Variants in AGBL1 observed in about 807,000 individuals in gnomAD.
The protein encoded by AGBL1 is cytosolic carboxypeptidase 4.
AGBL1 carries 130 observed loss-of-function variants against 118.9 expected under a neutral mutation model. The ratio of observed to expected loss-of-function variants is 1.09; its 90% CI spans 0.95 to 1.26. The LOEUF is 1.26. AGBL1 is among the 50% of genes most tolerant of loss of function. The pLI, the probability that AGBL1 is intolerant of heterozygous loss-of-function variation, is 0.00. For missense variants in AGBL1, 1,584 were observed against 1,298.1 expected, an observed-to-expected ratio of 1.22 and a Z score of -3.38; for synonymous variants, 555 against 478.9, an observed-to-expected ratio of 1.16 and a Z score of -2.08.
At chr15:86,372,519 C>A (rs1201859918) in intron 17 of AGBL1, among the ~76,000 whole-genome samples, 2 of 152,210 alleles carry the variant, frequency 1.3e-5, no homozygotes, top group East Asian at 1.9e-4. Flanking sequence ...TTTTTACCTG[C>A]CACTTTTTCT....
intron 21 of AGBL1, among the ~76,000 whole-genome samples, chr15:86,598,124 C>T (rs746847561): frequency 1.3e-5 from 2 of 152,018 alleles, no homozygotes; most frequent in Non-Finnish European, 2.9e-5. Context: ...TTAACCCATT[C>T]AGAGAAGGCC....
intron 22 of AGBL1, among the ~76,000 whole-genome samples, chr15:86,724,789 T>A (rs902349312): frequency 7.9e-5 from 12 of 152,090 alleles, no homozygotes; most frequent in Admixed American, 3.3e-4. Context: ...CCCGGTTGTT[T>A]AAAAGTGTGT....
intron 20 of AGBL1, among the ~76,000 whole-genome samples, chr15:86,548,567 C>G (rs1041883255): frequency 5.9e-5 from 9 of 151,880 alleles, no homozygotes; most frequent in African/African-American, 2.2e-4. Context: ...GGGTCTGTAA[C>G]CTTCTTGACT....
intron 23 of AGBL1, among the ~76,000 whole-genome samples, chr15:86,936,940 C>G (rs2080683620): frequency 6.6e-6 from 1 of 152,084 alleles, no homozygotes; most frequent in Non-Finnish European, 1.5e-5. Context: ...CCTTAAGGAA[C>G]TTATATAAAT....
chr15:86,571,691 G>T lies in AGBL1; in HGVS notation c.2994+17154G>T, dbSNP rs143157737. 3.1e-3 allele frequency among the ~76,000 whole-genome samples: 475 copies of T among 152,246 alleles called. 3 individuals are homozygous for T. The highest frequency in any genetic ancestry group is 0.011 in the African/African-American group (463 of 41,548). On this transcript the variant is annotated intron_variant, in intron 21 of 22. Coordinates refer to ENST00000614907, the MANE Select transcript of AGBL1 (RefSeq NM_001386094.1). ...CTCTCTGTCCTCTGCTCAAGTCAAG[G>T]GATGGGGTGTTTATTGGCCTCAGAG...
intron 24 of AGBL1, among the ~76,000 whole-genome samples, chr15:86,990,101 A>G (rs1596714164): frequency 6.6e-6 from 1 of 152,192 alleles, no homozygotes; most frequent in East Asian, 1.9e-4. Context: ...TTTTAATAGG[A>G]TCCTCTGGCT....
At chr15:86,932,667 A>G (rs113583097) in intron 23 of AGBL1, among the ~76,000 whole-genome samples, 5,947 of 152,218 alleles carry the variant, frequency 0.039, 156 homozygotes, top group Middle Eastern at 0.072. Context: ...TTTTTTTCCA[A>G]AATCGCTTTG....
chr15:86,085,811 G>T (rs893049332), intron 1 of AGBL1, among the ~76,000 whole-genome samples: 2 of 152,116 alleles, frequency 1.3e-5, no homozygotes, highest in African/African-American at 2.4e-5. Context: ...GTTATTTTAG[G>T]GGCAGCATTC....
intron 1 of AGBL1, among the ~76,000 whole-genome samples, chr15:86,090,234 T>C (rs1467937053): frequency 6.6e-6 from 1 of 152,196 alleles, no homozygotes; most frequent in South Asian, 2.1e-4. Context: ...TTCACCAGTC[T>C]ACAGCATCCC....
chr15:86,164,819 C>T (rs537699236), intron 5 of AGBL1, among the ~76,000 whole-genome samples: 1 of 152,296 alleles, frequency 6.6e-6, no homozygotes, highest in East Asian at 1.9e-4. Flanking sequence ...CTCCACACTT[C>T]CAGAAAGAGG....
At chr15:86,330,930 T>C (rs8041107) in intron 17 of AGBL1, among the ~76,000 whole-genome samples, 52,346 of 151,926 alleles carry the variant, frequency 0.34, 10,702 homozygotes, top group Non-Finnish European at 0.47. Flanking sequence ...AAAAAGAATT[T>C]AAAAAAATGA....
intron 22 of AGBL1, among the ~76,000 whole-genome samples, chr15:86,779,760 T>G (rs2078306022): frequency 6.6e-6 from 1 of 152,212 alleles, no homozygotes; most frequent in South Asian, 2.1e-4. Flanking sequence ...TTCCATTTTT[T>G]TCAGATGACT....
chr15:86,391,069 G>A (rs1596056483), intron 17 of AGBL1, among the ~76,000 whole-genome samples: 1 of 150,612 alleles, frequency 6.6e-6, no homozygotes, highest in East Asian at 1.9e-4. Context: ...GGGGTGGGGT[G>A]AAAGGATTGC....
chr15:86,263,540 C>G (rs1278441677), intron 10 of AGBL1, among the ~76,000 whole-genome samples: 1 of 152,208 alleles, frequency 6.6e-6, no homozygotes, highest in East Asian at 1.9e-4. Flanking sequence ...ACTGAAAAAG[C>G]AAATAAAAAT....
intron 14 of AGBL1, 89 bp from the exon 15 acceptor site, chr15:86,271,530 A>G: frequency 1.0e-6 from 1 of 994,550 alleles, no homozygotes; most frequent in Non-Finnish European, 1.6e-6. Context: ...GTTTCCAGGG[A>G]TTAAGACCTA....
chr15:86,581,386 T>A (rs1446457564), intron 21 of AGBL1, among the ~76,000 whole-genome samples: 1 of 152,170 alleles, frequency 6.6e-6, no homozygotes, highest in Non-Finnish European at 1.5e-5. Context: ...AATGACAAGA[T>A]CTGGTGGCAA....
chr15:86,825,495 A>C (rs753063602), intron 22 of AGBL1, among the ~76,000 whole-genome samples: 20 of 151,408 alleles, frequency 1.3e-4, no homozygotes, highest in Non-Finnish European at 2.4e-4. Context: ...ACAACTCAAC[A>C]GTAAAAGTTC....
At chr15:86,609,291 A>G (rs1420619542) in intron 21 of AGBL1, among the ~76,000 whole-genome samples, 2 of 152,196 alleles carry the variant, frequency 1.3e-5, no homozygotes, top group East Asian at 3.8e-4. Context: ...ATCAGAAAGG[A>G]GGAGGAATTC....
At chr15:86,265,243 C>G (rs1404936917) in intron 11 of AGBL1, among the ~76,000 whole-genome samples, 1 of 152,166 alleles carries the variant, frequency 6.6e-6, no homozygotes, top group Non-Finnish European at 1.5e-5. Context: ...GATAGGGGAT[C>G]TCTTGCTAAT....
Sources: allele counts gnomAD v4.1 joint callset (sites outside exome capture counted in the v4.1 genomes callset), GRCh38; gene constraint gnomAD v4.1.1; transcripts MANE v1.5; gene names NCBI Gene and HGNC (gene_info 2026-07-23, HGNC 2026-07-21).